Variants in ZNF285 observed in about 807,000 individuals in gnomAD.
ZNF285 encodes the protein zinc finger protein 285A.
ZNF285 carries 4 observed loss-of-function variants against 6.2 expected under a neutral mutation model. The ratio of observed to expected loss-of-function variants is 0.65; its 90% CI spans 0.32 to 1.49. ZNF285 has a LOEUF of 1.49. Ranked by LOEUF, ZNF285 falls within the 40% of genes most tolerant of loss-of-function variation. ZNF285 has a pLI of 0.07. For missense variants in ZNF285, 695 were observed against 708.8 expected (o/e 0.98, Z 0.22); for synonymous variants, 240 against 245.8 (o/e 0.98, Z 0.22).
At position 44,387,619 on chromosome 19, in the gene ZNF285, C is replaced by T. The variant is rs1351478324; in HGVS notation, c.626G>A (p.Cys209Tyr). ...KGEDPGRHPS[C>Y]GKNLGMKSTV... ...TGATTTCATACCCAAGTTTTTCCCA[C>T]AGCTGGGATGTCTACCAGGGTCCTC... Residue 209 changes from cysteine to tyrosine, a missense_variant, in exon 4 of 4, where the codon TGT becomes TAT. By Grantham distance (194) the Cys-to-Tyr change is radical (BLOSUM62 -2). Transcript: ENST00000614994. 1.9e-6 allele frequency: 3 copies of T among 1,613,870 alleles called. No homozygotes were observed. The highest frequency in any genetic ancestry group is 1.3e-5 in the African/African-American group (1 of 75,010).
Position 44,387,378 on chromosome 19 carries a change from T to A in ZNF285, c.867A>T (p.Glu289Asp), listed in dbSNP as rs1395692056. ...CKTHSGKTPY[E>D]FHEWPMGCKQ... The stretch of plus-strand genomic sequence containing the variant: ...TGCAGCCCATAGGCCATTCGTGGAA[T>A]TCATAGGGAGTCTTGCCAGAGTGAG... The change falls in exon 4 of 4, where the codon GAA (glutamate) becomes GAT (aspartate). Residue 289 changes from glutamate to aspartate, a missense_variant. Physicochemically the swap from Glu to Asp is conservative, Grantham distance 45. Coordinates refer to ENST00000614994, the MANE Select transcript of ZNF285 (RefSeq NM_152354.6). 26 of 1,614,032 alleles carry A rather than the reference T, an allele frequency of 1.6e-5. No homozygotes were observed. The highest frequency in any genetic ancestry group is 2.0e-5 in the Non-Finnish European group (24 of 1,180,034).
At chr19:44,394,533 C>T (rs1387040707) in intron 2 of ZNF285, 6 of 563,790 alleles carry the variant, frequency 1.1e-5, no homozygotes, top group Admixed American at 3.2e-5. Flanking sequence ...CACATGTATC[C>T]CTTGAATCTA....
At chr19:44,389,030 G>C (rs1024894295) in intron 3 of ZNF285, among the ~76,000 whole-genome samples, 1 of 148,126 alleles carries the variant, frequency 6.8e-6, no homozygotes, top group African/African-American at 2.6e-5. Flanking sequence ...CAAGCTTTAA[G>C]AGACATCCTT....
At position 44,386,113 on chromosome 19, in the gene ZNF285, A is replaced by G. The variant is rs558931318; in HGVS notation, c.*359T>C. The G allele has an allele frequency of 1.0e-5, 2 of 190,654 alleles. No homozygotes were observed. Among genetic ancestry groups the G allele is most frequent in the East Asian group, 1.2e-4 (1 of 8,388 alleles). 11.8% of individuals were successfully genotyped at this position (190,654 alleles called of 1,614,324 possible). The stretch of plus-strand genomic sequence containing the variant: ...GTATTTTTCTACTGGGGACTAAAAA[A>G]AAATCTAAAGACGTTGGCTGAACTG... On this transcript the variant is annotated 3_prime_UTR_variant, in exon 4 of 4. Coordinates refer to ENST00000614994, the MANE Select transcript of ZNF285 (RefSeq NM_152354.6).
In ZNF285 at chr19:44,385,454, C is replaced by T. The variant is rs1345836475; in HGVS notation, c.*1018G>A. 6.6e-6 allele frequency: 1 copy of T among 152,138 alleles called. No individual in the cohort carries two copies. Among genetic ancestry groups the T allele is most frequent in the Non-Finnish European group, 1.5e-5 (1 of 68,028 alleles). The allele number at this position is 152,138 out of a possible 1,614,324, so 9.4% of individuals were successfully genotyped here. A position where few individuals can be genotyped will look rare whatever the true frequency, so the allele number is the denominator to read the frequency against. On this transcript the variant is annotated 3_prime_UTR_variant, in exon 4 of 4. Transcript: ENST00000614994. Reference sequence around the variant, plus strand: ...AATGAAGGTTATCACTGAAGAAGTCCCATCCATACCATTTTAGATGGTTGC... The same window carrying T: ...AATGAAGGTTATCACTGAAGAAGTCTCATCCATACCATTTTAGATGGTTGC...
rs746846347 is a variant in ZNF285 at position 44,386,517 on chromosome 19, G to T, written c.1728C>A (p.Asp576Glu). 6.2e-7 allele frequency: 1 copy of T among 1,613,932 alleles called. No individual in the cohort carries two copies. Reference sequence around the variant, plus strand: ...CATGTAGTCTTTGATGAGTCAGAAGGTCCTTTCCACGCTCACAGTGTGTGT... The same window carrying T: ...CATGTAGTCTTTGATGAGTCAGAAGTTCCTTTCCACGCTCACAGTGTGTGT... ...TQYTHCERGK[D>E]LLTHQRLHEQ... is the part of the protein sequence containing the mutation. The change falls in exon 4 of 4, where the codon GAC (aspartate) becomes GAA (glutamate). Residue 576 changes from aspartate to glutamate, a missense_variant. Physicochemically the swap from Asp to Glu is conservative, Grantham distance 45. Coordinates refer to ENST00000614994, the MANE Select transcript of ZNF285 (RefSeq NM_152354.6).
rs147324190 is a variant in ZNF285, at chr19:44,386,889, C to T, written c.1356G>A (p.Gly452=). 1 of 1,614,120 alleles carries T rather than the reference C, an allele frequency of 6.2e-7. No homozygotes were observed. Among genetic ancestry groups the T allele is most frequent in the Non-Finnish European group, 8.5e-7 (1 of 1,180,024 alleles). The change falls in exon 4 of 4, where the codon GGG becomes GGA. Residue 452 remains glycine (G), a synonymous_variant. Transcript: ENST00000614994. ...HLHIHQRVHT[G]EKPYKCNVCG... ...ACACATTGCATTTGTATGGTTTCTC[C>T]CCTGTGTGGACTCTCTGGTGAATGT... is the stretch of plus-strand genomic sequence containing the variant.
Position 44,387,530 on chromosome 19 carries a change from C to G in ZNF285, c.715G>C (p.Val239Leu), listed in dbSNP as rs1480438109. The G allele has an allele frequency of 1.2e-6, 2 of 1,613,824 alleles. No individual in the cohort carries two copies. Among genetic ancestry groups the G allele is most frequent in the South Asian group, 2.2e-5 (2 of 91,078 alleles). ...GGATCTGTATCATCTGCAAAGGCCA[C>G]CCCACAGTTATTACATGGGAAAGGC... is the stretch of plus-strand genomic sequence containing the variant. ...PQPFPCNNCG[V>L]AFADDTDPHV... is the part of the protein sequence containing the mutation. The change falls in exon 4 of 4, where the codon GTG becomes CTG. Residue 239 changes from valine (V) to leucine (L), a missense_variant. Transcript: ENST00000614994.
Position 44,387,145 on chromosome 19 carries a change from G to C in ZNF285, c.1100C>G (p.Thr367Arg). Residue 367 changes from threonine (T) to arginine (R), a missense_variant, in exon 4 of 4, where the codon ACA becomes AGA. By Grantham distance (71) the Thr-to-Arg change is moderately conservative. Transcript: ENST00000614994. The stretch of plus-strand genomic sequence containing the variant: ...TTCACATTTATAGGGCTTTTTCCCT[G>C]TGTGTACTCCCTGATGAATACAAAG... ...SLLCIHQGVH[T>R]GKKPYKCEEC... 1 of 1,614,090 alleles carries C rather than the reference G, an allele frequency of 6.2e-7. No homozygotes were observed. Among genetic ancestry groups the C allele is most frequent in the Non-Finnish European group, 8.5e-7 (1 of 1,180,008 alleles).
rs1971084383 is a variant in ZNF285, at chr19:44,386,798, G to T, written c.1447C>A (p.Pro483Thr). The change falls in exon 4 of 4, where the codon CCA becomes ACA. Residue 483 changes from proline (P) to threonine (T), a missense_variant. Transcript: ENST00000614994. ...THQRVHTGEK[P>T]YKCEVCGKCF... ...TTTCCACACACTTCACATTTATATG[G>T]TTTTTCTCCAGTGTGAACTCTCTGA... The T allele has an allele frequency of 6.2e-7, 1 of 1,614,198 alleles. No individual in the cohort carries two copies. Among genetic ancestry groups the T allele is most frequent in the Non-Finnish European group, 8.5e-7 (1 of 1,180,032 alleles).
Position 44,386,738 on chromosome 19 carries a change from G to C in ZNF285, c.1507C>G (p.Gln503Glu). ...FSYSSYFHLH[Q>E]RDHIREKPYK... ...GGTTTCTCTCTGATGTGATCTCTTT[G>C]ATGTAAGTGAAAATATGAACTGTAA... Residue 503 changes from glutamine to glutamate, a missense_variant, in exon 4 of 4, where the codon CAA (glutamine) becomes GAA (glutamate). Coordinates refer to ENST00000614994, the MANE Select transcript of ZNF285 (RefSeq NM_152354.6). The C allele has an allele frequency of 6.2e-7, 1 of 1,614,156 alleles. No homozygotes were observed. Among genetic ancestry groups the C allele is most frequent in the South Asian group, 1.1e-5 (1 of 91,076 alleles).
At chr19:44,393,474 G>T (rs1339709057) in intron 2 of ZNF285, among the ~76,000 whole-genome samples, 1 of 152,032 alleles carries the variant, frequency 6.6e-6, no homozygotes, top group Non-Finnish European at 1.5e-5. Flanking sequence ...TTTTGATGGG[G>T]TTGTTTTTTT....
At position 44,387,451 on chromosome 19, in the gene ZNF285, T is replaced by C. The variant is rs777467484; in HGVS notation, c.794A>G (p.Tyr265Cys). ...LGEKSYKCDQYGKNFSQSQDL... is the reference protein window; with the variant it reads ...LGEKSYKCDQCGKNFSQSQDL... ...TTGGCTCTGACTAAAGTTCTTTCCA[T>C]ACTGGTCACATTTATAAGATTTTTC... is the stretch of plus-strand genomic sequence containing the variant. Residue 265 changes from tyrosine (Y) to cysteine (C), a missense_variant, in exon 4 of 4, where the codon TAT becomes TGT. By Grantham distance (194) the Tyr-to-Cys change is radical. Coordinates refer to ENST00000614994, the MANE Select transcript of ZNF285 (RefSeq NM_152354.6). The C allele has an allele frequency of 5.0e-6, 8 of 1,614,042 alleles. No homozygotes were observed. The highest frequency in any genetic ancestry group is 1.6e-4 in the Middle Eastern group (1 of 6,082).
intron 1 of ZNF285, 94 bp downstream of exon 1, chr19:44,401,474 T>G (rs1971375745): frequency 6.6e-6 from 1 of 152,552 alleles, no homozygotes; most frequent in Non-Finnish European, 1.5e-5. Context: ...CCACTCCTCC[T>G]ACTTCAGTCC....
At chr19:44,394,781 G>C (rs963107927) in intron 2 of ZNF285, among the ~76,000 whole-genome samples, 4 of 152,146 alleles carry the variant, frequency 2.6e-5, no homozygotes, top group African/African-American at 7.2e-5. Context: ...ACTAACAATT[G>C]TCCAATTACC....
Position 44,386,761 on chromosome 19 carries a change from T to G in ZNF285, c.1484A>C (p.Tyr495Ser), listed in dbSNP as rs1314770684. ...TTGATGTAAGTGAAAATATGAACTG[T>G]AACTGAAGCACTTTCCACACACTTC... ...KCEVCGKCFS[Y>S]SSYFHLHQRD... Residue 495 changes from tyrosine to serine, a missense_variant, in exon 4 of 4, where the codon TAC becomes TCC. By Grantham distance (144) the Tyr-to-Ser change is moderately radical (BLOSUM62 -2). Coordinates refer to ENST00000614994, the MANE Select transcript of ZNF285 (RefSeq NM_152354.6). The G allele has an allele frequency of 1.2e-6, 2 of 1,614,122 alleles. No homozygotes were observed. Among genetic ancestry groups the G allele is most frequent in the Non-Finnish European group, 1.7e-6 (2 of 1,180,042 alleles).
Position 44,386,868 on chromosome 19 carries a change from A to C in ZNF285, c.1377T>G (p.Asn459Lys). 6.2e-7 allele frequency: 1 copy of C among 1,614,144 alleles called. No individual in the cohort carries two copies. Among genetic ancestry groups the C allele is most frequent in the South Asian group, 1.1e-5 (1 of 91,064 alleles). Residue 459 changes from asparagine to lysine, a missense_variant, in exon 4 of 4, where the codon AAT becomes AAG. By Grantham distance (94) the Asn-to-Lys change is moderately conservative. Transcript: ENST00000614994. ...TATACGCAAAATCCTTTCCACACAC[A>C]TTGCATTTGTATGGTTTCTCCCCTG... The part of the protein sequence containing the change: ...VHTGEKPYKC[N>K]VCGKDFAYSS...
rs550067011 is a variant in ZNF285 at position 44,395,211 on chromosome 19, C to A, written c.15+1988G>T. On this transcript the variant is annotated intron_variant, in intron 2 of 3. Transcript: ENST00000614994. The stretch of plus-strand genomic sequence containing the variant: ...ACATGCAAAAATCTTTAAATCTTTT[C>A]CTCTATGAAGTATTCTTGTATAACC... Among the ~76,000 whole-genome samples the A allele has an allele frequency of 2.0e-5, 3 of 152,270 alleles. No individual in the cohort carries two copies. The South Asian group carries it at 6.2e-4, about 32-fold the overall frequency.
At chr19:44,400,109 A>C (rs1360858902) in intron 1 of ZNF285, among the ~76,000 whole-genome samples, 3 of 150,546 alleles carry the variant, frequency 2.0e-5, no homozygotes, top group African/African-American at 7.5e-5. Flanking sequence ...CAGGGCAGAC[A>C]GCAGGGTGGA....
Sources: gnomAD v4.1 joint callset for allele counts (sites outside exome capture counted in the v4.1 genomes callset) on GRCh38, gnomAD v4.1.1 for gene constraint, MANE v1.5 for transcripts, NCBI Gene and HGNC (gene_info 2026-07-23, HGNC 2026-07-21) for gene names.